GADL1: variants seen among roughly 807,000 people sequenced by gnomAD.
GADL1 encodes acidic amino acid decarboxylase GADL1.
A neutral mutation model predicts 69.5 loss-of-function variants in GADL1; 71 were observed. That is an observed-to-expected ratio of 1.02 (90% CI 0.84 to 1.25). The LOEUF (loss-of-function observed/expected upper bound fraction) is 1.25. GADL1 is among the 50% of genes most tolerant of loss of function. The probability of loss-of-function intolerance (pLI) is 0.00; values close to 1 mark genes in which losing one functional copy is unlikely to be tolerated. For synonymous variants in GADL1, 254 were observed against 214.4 expected (o/e 1.18, Z -1.62); for missense variants, 737 against 631.8 (o/e 1.17, Z -1.79).
At chr3:30,838,899 G>A in intron 9 of GADL1, 98 bp downstream of exon 9, 1 of 670,648 alleles carries the variant, frequency 1.5e-6, no homozygotes, top group Admixed American at 2.8e-5. Context: ...CAAAAGCGTT[G>A]GGGACTCCAC....
At chr3:30,869,082 A>AAC (rs113358460) in intron 1 of GADL1, among the ~76,000 whole-genome samples, 59,431 of 151,260 alleles carry the variant, frequency 0.39, 12,495 homozygotes, top group East Asian at 0.69. Flanking sequence ...AGAAGTAAAA[A>AAC]ACAGTCTCTG....
intron 14 of GADL1, among the ~76,000 whole-genome samples, chr3:30,767,771 A>G (rs1696317257): frequency 6.6e-6 from 1 of 152,210 alleles, no homozygotes; most frequent in Admixed American, 6.5e-5. Context: ...TTCATCGTAC[A>G]GAAGACTAAA....
At chr3:30,760,579 CAA>C (rs1264585104) in intron 14 of GADL1, among the ~76,000 whole-genome samples, 3 of 152,160 alleles carry the variant, frequency 2.0e-5, no homozygotes, top group African/African-American at 7.2e-5. Context: ...CATCTATACA[CAA>C]AATCTGTTAT....
At chr3:30,772,329 C>T (rs777321461) in intron 14 of GADL1, among the ~76,000 whole-genome samples, 12 of 152,106 alleles carry the variant, frequency 7.9e-5, no homozygotes, top group South Asian at 2.1e-4. Flanking sequence ...CTTTTAAGAA[C>T]GTAAATTGTG....
chr3:30,887,550 T>G (rs1280820347), intron 1 of GADL1, among the ~76,000 whole-genome samples: 1 of 152,162 alleles, frequency 6.6e-6, no homozygotes, highest in Non-Finnish European at 1.5e-5. Flanking sequence ...TCTCACTAGA[T>G]GCACCCACTT....
chr3:30,851,132 A>T (rs1056101736), intron 4 of GADL1, among the ~76,000 whole-genome samples, 191 bp from the exon 5 acceptor site: 7 of 152,188 alleles, frequency 4.6e-5, no homozygotes, highest in Non-Finnish European at 8.8e-5. Context: ...ATAAATGCCA[A>T]TAGCTTGTGG....
intron 14 of GADL1, among the ~76,000 whole-genome samples, chr3:30,751,342 G>A (rs964460793): frequency 6.6e-6 from 1 of 151,922 alleles, no homozygotes; most frequent in African/African-American, 2.4e-5. Context: ...CTCTTGAGCC[G>A]CTTGCTGGTG....
intron 1 of GADL1, among the ~76,000 whole-genome samples, chr3:30,864,470 A>G (rs1316158939): frequency 2.6e-5 from 4 of 152,006 alleles, no homozygotes; most frequent in African/African-American, 7.2e-5. Context: ...CTGTCTTCAC[A>G]CCAATGAATT....
chr3:30,760,905 G>A (rs1203423561), intron 14 of GADL1, among the ~76,000 whole-genome samples: 2 of 152,056 alleles, frequency 1.3e-5, no homozygotes, highest in Non-Finnish European at 2.9e-5. Context: ...AGGGAAACTG[G>A]CCATTCCTGC....
chr3:30,831,875 G>T (rs1234075842), intron 11 of GADL1, among the ~76,000 whole-genome samples: 1 of 151,876 alleles, frequency 6.6e-6, no homozygotes, highest in Non-Finnish European at 1.5e-5. Context: ...TCTGACATTT[G>T]TTAGTGCACT....
chr3:30,859,974 CT>C (rs1036504547), intron 2 of GADL1, among the ~76,000 whole-genome samples: 2 of 151,748 alleles, frequency 1.3e-5, no homozygotes, highest in Non-Finnish European at 2.9e-5. Context: ...TGTGTGAGCT[CT>C]TTTTTTCTGG....
intron 13 of GADL1, among the ~76,000 whole-genome samples, chr3:30,784,153 T>C (rs1696736751): frequency 1.3e-5 from 2 of 152,204 alleles, no homozygotes; most frequent in South Asian, 2.1e-4. Flanking sequence ...TCTTACATGT[T>C]TATAATGCCA....
At chr3:30,774,808 C>A (rs7634999) in intron 14 of GADL1, among the ~76,000 whole-genome samples, 34,502 of 151,698 alleles carry the variant, frequency 0.23, 7,636 homozygotes, top group African/African-American at 0.56. Context: ...TGACTCTGAC[C>A]GGGTTGAGAA....
chr3:30,881,126 A>C (rs1698635561), intron 1 of GADL1, among the ~76,000 whole-genome samples: 1 of 151,942 alleles, frequency 6.6e-6, no homozygotes, highest in Admixed American at 6.6e-5. Flanking sequence ...AATTCTGTTT[A>C]TATGTGTATC....
In GADL1 at chr3:30,755,764, G is replaced by A. The variant is rs188125244; in HGVS notation, c.1392+22415C>T. Among the ~76,000 whole-genome samples, 250 of 152,230 alleles carry A rather than the reference G, an allele frequency of 1.6e-3. 1 individual carries two copies. Among genetic ancestry groups the A allele is most frequent in the African/African-American group, 5.3e-3 (221 of 41,544 alleles). On this transcript the variant is annotated intron_variant, in intron 14 of 14. Transcript: ENST00000282538. ...TGTTAAACGAATGAATGAAACAAAA[G>A]GCAAATGTCTAGATACCTATGTTGT... is the stretch of plus-strand genomic sequence containing the variant.
chr3:30,785,280 A>T (rs1471834881), intron 13 of GADL1, among the ~76,000 whole-genome samples: 3 of 151,366 alleles, frequency 2.0e-5, no homozygotes, highest in African/African-American at 7.3e-5. Context: ...AAATTGGGGG[A>T]CCTTTTCTGT....
At chr3:30,736,607 T>G (rs1187495527) in intron 14 of GADL1, among the ~76,000 whole-genome samples, 1 of 152,188 alleles carries the variant, frequency 6.6e-6, no homozygotes, top group African/African-American at 2.4e-5. Flanking sequence ...CATGAAATAA[T>G]TTATTTTCTC....
chr3:30,841,476 T>TA (rs536306637), intron 8 of GADL1, among the ~76,000 whole-genome samples: 223 of 150,578 alleles, frequency 1.5e-3, no homozygotes, highest in Middle Eastern at 3.4e-3. Context: ...CTAATGACAC[T>TA]AAAAAAAAAT....
intron 11 of GADL1, among the ~76,000 whole-genome samples, chr3:30,809,930 A>T (rs1575215642): frequency 6.6e-6 from 1 of 152,228 alleles, no homozygotes; most frequent in East Asian, 1.9e-4. Flanking sequence ...GCATGAGGCT[A>T]TAAGGAGACA....
Sources: gnomAD v4.1 joint callset for allele counts (sites outside exome capture counted in the v4.1 genomes callset) on GRCh38, gnomAD v4.1.1 for gene constraint, MANE v1.5 for transcripts, NCBI Gene and HGNC (gene_info 2026-07-23, HGNC 2026-07-21) for gene names.